The following TMEM217B variants were observed in gnomAD, a reference collection of about 807,000 sequenced individuals.
TMEM217B encodes the protein transmembrane protein 217B, also known as putative transmembrane protein 217B.
the TMEM217B span, among the ~76,000 whole-genome samples, chr6:37,221,056 A>G: frequency 6.6e-6 from 1 of 152,080 alleles, no homozygotes; most frequent in African/African-American, 2.4e-5. Context: ...GAACTTTTTC[A>G]TCTTGCAAAA....
chr6:37,215,570 CAAAAAAAAAAAAAAAAAAA>C, the TMEM217B span, among the ~76,000 whole-genome samples: 2 of 72,368 alleles, frequency 2.8e-5, no homozygotes, highest in South Asian at 5.4e-4. Flanking sequence ...GACTCTGTCT[CAAAAAAAAAAAAAAAAAAA>C]AAAAAAAAAA....
chr6:37,229,335 G>GTTTTTTTTTTTTTT, the TMEM217B span, among the ~76,000 whole-genome samples: 4 of 74,368 alleles, frequency 5.4e-5, 1 homozygote, highest in Non-Finnish European at 9.3e-5. Context: ...GCAACTTTCA[G>GTTTTTTTTTTTTTT]TTTTTTTTTT....
chr6:37,217,248 C>T, the TMEM217B span, among the ~76,000 whole-genome samples: 2 of 152,142 alleles, frequency 1.3e-5, no homozygotes, highest in African/African-American at 2.4e-5. Flanking sequence ...GAGCCGAGGT[C>T]GCACCATTGC....
the TMEM217B span, among the ~76,000 whole-genome samples, chr6:37,215,579 A>C: frequency 4.8e-5 from 1 of 20,820 alleles, no homozygotes; most frequent in African/African-American, 1.9e-4. Flanking sequence ...TCAAAAAAAA[A>C]AAAAAAAAAA....
the TMEM217B span, among the ~76,000 whole-genome samples, chr6:37,239,997 G>A: frequency 6.6e-6 from 1 of 152,036 alleles, no homozygotes; most frequent in African/African-American, 2.4e-5. Flanking sequence ...CAGGAAATCT[G>A]GCAGTGGCAG....
chr6:37,223,747 G>C, the TMEM217B span, among the ~76,000 whole-genome samples: 3 of 152,124 alleles, frequency 2.0e-5, no homozygotes, highest in South Asian at 6.2e-4. Context: ...GACCTCAGGT[G>C]ATCTGCCACC....
chr6:37,239,635 G>C, the TMEM217B span, among the ~76,000 whole-genome samples: 1 of 152,046 alleles, frequency 6.6e-6, no homozygotes, highest in Non-Finnish European at 1.5e-5. Context: ...CTCAATCATG[G>C]TAAGAACTTT....
the TMEM217B span, among the ~76,000 whole-genome samples, chr6:37,234,763 G>T: frequency 7.9e-5 from 12 of 151,988 alleles, no homozygotes; most frequent in African/African-American, 2.9e-4. Flanking sequence ...ATAAATATCG[G>T]TATACACATG....
At chr6:37,244,235 T>C in the TMEM217B span, among the ~76,000 whole-genome samples, 1 of 152,226 alleles carries the variant, frequency 6.6e-6, no homozygotes, top group Non-Finnish European at 1.5e-5. Flanking sequence ...GGCTTATGCA[T>C]AGGAATGAAC....
At chr6:37,246,207 G>T in the TMEM217B span, among the ~76,000 whole-genome samples, 4 of 152,060 alleles carry the variant, frequency 2.6e-5, no homozygotes, top group African/African-American at 9.7e-5. Context: ...ATCAGCTTTT[G>T]CCACAACAAT....
the TMEM217B span, among the ~76,000 whole-genome samples, chr6:37,251,728 G>C: frequency 6.6e-6 from 1 of 152,216 alleles, no homozygotes; most frequent in African/African-American, 2.4e-5. Context: ...AATGAGATCA[G>C]AGAGGAACAA....
At chr6:37,218,627 C>G in the TMEM217B span, 1 of 1,613,962 alleles carries the variant, frequency 6.2e-7, no homozygotes, top group Admixed American at 1.7e-5. Flanking sequence ...CATGACTGTA[C>G]GAGACACCAA....
At chr6:37,217,154 C>G in the TMEM217B span, among the ~76,000 whole-genome samples, 2 of 152,174 alleles carry the variant, frequency 1.3e-5, no homozygotes, top group East Asian at 3.8e-4. Context: ...ATTAGCCAGG[C>G]ATGGTGGCCT....
the TMEM217B span, among the ~76,000 whole-genome samples, chr6:37,243,361 GA>G: frequency 3.9e-5 from 6 of 151,996 alleles, no homozygotes; most frequent in Non-Finnish European, 8.8e-5. Flanking sequence ...TTGAAAGGGG[GA>G]AAAAAATGGA....
At chr6:37,217,148 G>T in the TMEM217B span, among the ~76,000 whole-genome samples, 1 of 152,160 alleles carries the variant, frequency 6.6e-6, no homozygotes, top group Non-Finnish European at 1.5e-5. Context: ...ACAAAAATTA[G>T]CCAGGCATGG....
At chr6:37,239,124 T>A in the TMEM217B span, among the ~76,000 whole-genome samples, 1 of 152,026 alleles carries the variant, frequency 6.6e-6, no homozygotes, top group Non-Finnish European at 1.5e-5. Flanking sequence ...ACAGACTCTG[T>A]CTCCAAAACA....
the TMEM217B span, among the ~76,000 whole-genome samples, chr6:37,242,526 C>T: frequency 6.6e-6 from 1 of 152,204 alleles, no homozygotes; most frequent in African/African-American, 2.4e-5. Flanking sequence ...AGAGAAAAGC[C>T]TGTCATGCTT....
chr6:37,229,338 T>TTTTG, the TMEM217B span, among the ~76,000 whole-genome samples: 19 of 121,086 alleles, frequency 1.6e-4, no homozygotes, highest in East Asian at 4.8e-4. Context: ...ACTTTCAGTT[T>TTTTG]TTTTTTTTTT....
At chr6:37,253,704 TA>T in the TMEM217B span, among the ~76,000 whole-genome samples, 1 of 152,174 alleles carries the variant, frequency 6.6e-6, no homozygotes, top group South Asian at 2.1e-4. Flanking sequence ...ACTCCTTCAC[TA>T]AGGTTAAAGT....
Sources: allele counts gnomAD v4.1 joint callset (sites outside exome capture counted in the v4.1 genomes callset), GRCh38; gene constraint gnomAD v4.1.1; transcripts MANE v1.5; gene names NCBI Gene and HGNC (gene_info 2026-07-23, HGNC 2026-07-21).